The following KMT2C variants were observed in gnomAD, a reference collection of about 807,000 sequenced individuals.
KMT2C encodes histone-lysine N-methyltransferase 2C.
A neutral mutation model predicts 507.9 loss-of-function variants in KMT2C; 88 were observed. The ratio of observed to expected loss-of-function variants is 0.17; its 90% confidence interval spans 0.15 to 0.21. The LOEUF (loss-of-function observed/expected upper bound fraction) is 0.21, where lower values mean the gene tolerates loss of function less well. KMT2C is among the 10% of genes least tolerant of loss of function. The pLI, the probability that KMT2C is intolerant of heterozygous loss-of-function variation, is 1.00. For missense variants in KMT2C, 4,954 were observed against 5,957.8 expected (o/e 0.83, Z 5.55); for synonymous variants, 2,049 against 2,080.8 (o/e 0.98, Z 0.42).
intron 1 of KMT2C, among the ~76,000 whole-genome samples, chr7:152,362,940 T>C (rs2097208263): frequency 6.6e-6 from 1 of 152,242 alleles, no homozygotes; most frequent in Admixed American, 6.5e-5. Flanking sequence ...TTCTGGGCAA[T>C]GGACCAACTT....
In KMT2C at chr7:152,245,234, G is replaced by A. The variant is rs556715278; in HGVS notation, c.2532+2668C>T. 1.3e-4 allele frequency among the ~76,000 whole-genome samples: 20 copies of A among 152,220 alleles called. No homozygotes were observed. The South Asian group carries it at 1.9e-3, about 14-fold the overall frequency. Reference sequence around the variant, plus strand: ...AGCACAGCCACAGTCTTAGTTTGTCGATCTTGAATTCTTTTGGTATTTTAA... The same window carrying A: ...AGCACAGCCACAGTCTTAGTTTGTCAATCTTGAATTCTTTTGGTATTTTAA... On this transcript the variant is annotated intron_variant, in intron 14 of 58. Transcript: ENST00000262189.
intron 4 of KMT2C, among the ~76,000 whole-genome samples, chr7:152,313,937 T>C (rs954917611): frequency 6.6e-6 from 1 of 152,152 alleles, no homozygotes; most frequent in African/African-American, 2.4e-5. Context: ...ATAATTGCCA[T>C]TATTTAAGGC....
intron 6 of KMT2C, among the ~76,000 whole-genome samples, chr7:152,286,176 T>C (rs1368571687): frequency 6.6e-6 from 1 of 152,310 alleles, no homozygotes; most frequent in Non-Finnish European, 1.5e-5. Flanking sequence ...ATCTACAAAA[T>C]ATCAAATATA....
At chr7:152,154,491 T>TG in intron 46 of KMT2C, 46 bp from the exon 47 acceptor site, 1 of 1,569,374 alleles carries the variant, frequency 6.4e-7, no homozygotes, top group African/African-American at 1.3e-5. Context: ...AATCCACCAC[T>TG]GGGGGCTTCC....
At chr7:152,160,314 G>A (rs1014303811) in intron 43 of KMT2C, among the ~76,000 whole-genome samples, 5 of 152,124 alleles carry the variant, frequency 3.3e-5, no homozygotes, top group African/African-American at 1.2e-4. Flanking sequence ...GTCTAGAAAT[G>A]CAGATTATCT....
At chr7:152,387,308 T>C (rs1191062504) in intron 1 of KMT2C, among the ~76,000 whole-genome samples, 1 of 151,964 alleles carries the variant, frequency 6.6e-6, no homozygotes, top group Non-Finnish European at 1.5e-5. Flanking sequence ...ATATATGTAG[T>C]TATTGGTAAT....
At chr7:152,255,142 T>TACATACATATATATATATATATAC (rs1554583959) in intron 9 of KMT2C, among the ~76,000 whole-genome samples, 1 of 126,372 alleles carries the variant, frequency 7.9e-6, no homozygotes, top group African/African-American at 3.2e-5. Context: ...TATATATATA[T>TACATACATATATATATATATATAC]ATACATATAT....
Position 152,196,047 on chromosome 7 carries a change from A to G in KMT2C, c.4274-36T>C, listed in dbSNP as rs1219630825. 7.9e-6 allele frequency: 10 copies of G among 1,271,844 alleles called. No homozygotes were observed. The South Asian group carries it at 1.4e-4, about 18-fold the overall frequency. The allele number at this position is 1,271,844 out of a possible 1,614,324, so 78.8% of individuals were successfully genotyped here. On this transcript the variant is annotated intron_variant, in intron 27 of 58. Transcript: ENST00000262189. ...TAAATATGTTTTTTAAAATTTCAGT[A>G]TTTTCTCAGATATTAAGCCATTTGC...
intron 1 of KMT2C, among the ~76,000 whole-genome samples, chr7:152,376,263 T>A (rs2097328235): frequency 6.6e-6 from 1 of 152,186 alleles, no homozygotes; most frequent in Non-Finnish European, 1.5e-5. Flanking sequence ...ACAACCATAT[T>A]GAAATTAGGC....
rs1254246915 is a variant in KMT2C at position 152,194,565 on chromosome 7, A to G, written c.4382T>C (p.Ile1461Thr). 4.3e-6 allele frequency: 7 copies of G among 1,611,984 alleles called. No individual in the cohort carries two copies. The highest frequency in any genetic ancestry group is 3.3e-4 in the Middle Eastern group (2 of 6,052). ...DLAKSVDHSD[I>T]GPVTDDPSSL... ...GGAAGGATCATCAGTGACAGGACCA[A>G]TATCTACAAGAGTAAGGAAAATAAA... Residue 1461 changes from isoleucine (I) to threonine (T), a missense_variant, in exon 29 of 59, where the codon ATT becomes ACT. Ile to Thr is a moderately conservative substitution (Grantham distance 89). Coordinates refer to ENST00000262189, the MANE Select transcript of KMT2C (RefSeq NM_170606.3).
In KMT2C at chr7:152,182,005, A is replaced by G. The variant is rs2093449546; in HGVS notation, c.5855T>C (p.Leu1952Ser). 2.9e-5 allele frequency: 47 copies of G among 1,614,198 alleles called. No homozygotes were observed. The highest frequency in any genetic ancestry group is 4.0e-5 in the Non-Finnish European group (47 of 1,180,030). ...TANRPSPVRD[L>S]CSSSTTNNDP... Reference sequence around the variant, plus strand: ...ATTATTTGTCGTGGAAGAAGAACATAAATCTCTGACAGGGGATGGCCTATT... The same window carrying G: ...ATTATTTGTCGTGGAAGAAGAACATGAATCTCTGACAGGGGATGGCCTATT... Residue 1952 changes from leucine (L) to serine (S), a missense_variant, in exon 36 of 59, where the codon TTA becomes TCA. By Grantham distance (145) the Leu-to-Ser change is moderately radical. Around this residue, in one of 29 missense-constraint regions of KMT2C, gnomAD observed 1,689 missense variants for 1,654.3 expected, o/e 1.02. Coordinates refer to ENST00000262189, the MANE Select transcript of KMT2C (RefSeq NM_170606.3).
chr7:152,239,779 G>A (rs1476301491), intron 14 of KMT2C, among the ~76,000 whole-genome samples: 1 of 152,098 alleles, frequency 6.6e-6, no homozygotes, highest in Non-Finnish European at 1.5e-5. Flanking sequence ...ATTCAATGGT[G>A]CATGCTATAA....
chr7:152,406,823 G>GTTT, intron 1 of KMT2C, among the ~76,000 whole-genome samples: 1 of 136,822 alleles, frequency 7.3e-6, no homozygotes, highest in African/African-American at 3.1e-5. Flanking sequence ...GCCAAAAAAG[G>GTTT]GTTTTTTTAT....
chr7:152,347,553 G>T (rs1589347164), intron 2 of KMT2C, among the ~76,000 whole-genome samples: 1 of 152,242 alleles, frequency 6.6e-6, no homozygotes, highest in South Asian at 2.1e-4. Context: ...ACAGGAGGTG[G>T]CCACATAATT....
At chr7:152,391,662 G>T (rs2097499836) in intron 1 of KMT2C, among the ~76,000 whole-genome samples, 1 of 151,082 alleles carries the variant, frequency 6.6e-6, no homozygotes, top group South Asian at 2.1e-4. Context: ...TCAGCCTCCT[G>T]AGTAGCTGGG....
intron 6 of KMT2C, among the ~76,000 whole-genome samples, chr7:152,306,603 G>C (rs1350144641): frequency 6.6e-6 from 1 of 152,140 alleles, no homozygotes; most frequent in Non-Finnish European, 1.5e-5. Context: ...AATTTGTATT[G>C]TTAGAGGCAT....
rs1453172559 is a variant in KMT2C at position 152,135,365 on chromosome 7, T to C, written c.*1467A>G. 8 of 216,566 alleles carry C rather than the reference T, an allele frequency of 3.7e-5. No homozygotes were observed. Among genetic ancestry groups the C allele is most frequent in the Non-Finnish European group, 6.5e-5 (7 of 107,390 alleles). The allele number at this position is 216,566 out of a possible 1,614,324, so 13.4% of individuals were successfully genotyped here. A position where few individuals can be genotyped will look rare whatever the true frequency, so the allele number is the denominator to read the frequency against. ...AAAAAGCTAACCTGGTTCAAAATGC[T>C]GATTAAGTTTCTACAAGCAAACACA... On this transcript the variant is annotated 3_prime_UTR_variant, in exon 59 of 59. Transcript: ENST00000262189.
chr7:152,184,055 A>C (rs2093532313), intron 34 of KMT2C, among the ~76,000 whole-genome samples: 2 of 149,092 alleles, frequency 1.3e-5, no homozygotes, highest in African/African-American at 4.9e-5. Flanking sequence ...CTGGGCAACA[A>C]CTGTGAAGCT....
intron 4 of KMT2C, among the ~76,000 whole-genome samples, chr7:152,314,306 T>C (rs1488070047): frequency 6.6e-6 from 1 of 152,150 alleles, no homozygotes; most frequent in Non-Finnish European, 1.5e-5. Flanking sequence ...CTTGAGTGAT[T>C]ACATCATAAC....
Sources: gnomAD v4.1 joint callset for allele counts (sites outside exome capture counted in the v4.1 genomes callset) on GRCh38, gnomAD v4.1.1 for gene constraint, gnomAD v4.1.1 regional missense constraint, MANE v1.5 for transcripts, NCBI Gene and HGNC (gene_info 2026-07-23, HGNC 2026-07-21) for gene names.